The following HECTD2 variants were observed in gnomAD, a reference collection of about 807,000 sequenced individuals.
HECTD2 encodes the protein probable E3 ubiquitin-protein ligase HECTD2.
Under a neutral mutation model 103.2 loss-of-function variants are expected in HECTD2, and 35 were observed. The ratio of observed to expected loss-of-function variants is 0.34; its 90% CI spans 0.26 to 0.45. The LOEUF (loss-of-function observed/expected upper bound fraction) is 0.45, where lower values mean the gene tolerates loss of function less well. Among genes scored for constraint, HECTD2 ranks in the 20% least tolerant of loss-of-function variants. HECTD2 has a pLI of 1.00. For missense variants in HECTD2, 596 were observed against 937.4 expected, an observed-to-expected ratio of 0.64 and a Z score of 4.76; for synonymous variants, 281 against 329.9, an observed-to-expected ratio of 0.85 and a Z score of 1.61.
At chr10:91,443,698 A>T (rs991526485) in intron 2 of HECTD2, among the ~76,000 whole-genome samples, 7 of 152,078 alleles carry the variant, frequency 4.6e-5, no homozygotes, top group African/African-American at 1.7e-4. Context: ...CCCTTCCCCC[A>T]GGAAGAATTT....
intron 20 of HECTD2, among the ~76,000 whole-genome samples, chr10:91,506,832 T>G (rs1044369786): frequency 2.8e-3 from 417 of 151,298 alleles, no homozygotes; most frequent in African/African-American, 9.5e-3. Context: ...AAAAGAGAAT[T>G]TTAGACCAAT....
chr10:91,483,183 T>C, intron 8 of HECTD2, 107 bp downstream of exon 8: 3 of 474,988 alleles, frequency 6.3e-6, no homozygotes, highest in Non-Finnish European at 1.1e-5. Flanking sequence ...TCTTTAGAAA[T>C]GATGCTTATA....
At position 91,482,971 on chromosome 10, in the gene HECTD2, C is replaced by T; in HGVS notation, c.716C>T (p.Pro239Leu). Residue 239 changes from proline to leucine, a missense_variant, in exon 8 of 21, where the codon CCT (proline) becomes CTT (leucine). This residue lies in a region of HECTD2 where 303 missense variants were observed against 522.5 expected (regional missense o/e 0.58). Transcript: ENST00000298068. ...LRAYFILLQN[P>L]QFNNTSTYVI... Reference sequence around the variant, plus strand: ...TATCTTTAATATCTTTTTCAGAATCCTCAGTTTAATAACACATCTACGTAT... The same window carrying T: ...TATCTTTAATATCTTTTTCAGAATCTTCAGTTTAATAACACATCTACGTAT... 1.4e-6 allele frequency: 2 copies of T among 1,431,772 alleles called. No individual in the cohort carries two copies. The highest frequency in any genetic ancestry group is 1.2e-5 in the South Asian group (1 of 80,542). The allele number at this position is 1,431,772 out of a possible 1,614,324, so 88.7% of individuals were successfully genotyped here.
chr10:91,453,114 C>T (rs994260702), intron 2 of HECTD2, among the ~76,000 whole-genome samples: 2 of 152,076 alleles, frequency 1.3e-5, no homozygotes, highest in Admixed American at 1.3e-4. Context: ...CAGCGTGGTT[C>T]TAAATGTATG....
chr10:91,432,848 T>C (rs994481526), intron 2 of HECTD2, among the ~76,000 whole-genome samples: 1 of 151,962 alleles, frequency 6.6e-6, no homozygotes, highest in Non-Finnish European at 1.5e-5. Context: ...ACTGTGATCT[T>C]TGTCACCCTG....
chr10:91,478,233 A>T lies in HECTD2; in HGVS notation c.633A>T (p.Gly211=), dbSNP rs1845976907. The part of the protein sequence containing the change: ...PQDVQKTVLK[G]IINSLLREWK... The stretch of plus-strand genomic sequence containing the variant: ...ACGTTCAGAAGACAGTATTAAAGGG[A>T]ATCATTAACAGCCTGTTACGAGAAT... Residue 211 remains glycine (G), a synonymous_variant, in exon 6 of 21, where the codon GGA becomes GGT. Transcript: ENST00000298068. 6.2e-7 allele frequency: 1 copy of T among 1,610,300 alleles called. No homozygotes were observed. Among genetic ancestry groups the T allele is most frequent in the African/African-American group, 1.3e-5 (1 of 74,974 alleles).
At chr10:91,451,786 G>A (rs1844840662) in intron 2 of HECTD2, among the ~76,000 whole-genome samples, 2 of 152,138 alleles carry the variant, frequency 1.3e-5, no homozygotes, top group Admixed American at 6.6e-5. Flanking sequence ...TGAATAGGAG[G>A]GTAGGTAAAG....
intron 16 of HECTD2, among the ~76,000 whole-genome samples, chr10:91,498,539 T>G (rs996114979): frequency 3.3e-5 from 5 of 152,170 alleles, no homozygotes; most frequent in Non-Finnish European, 7.4e-5. Context: ...TGATTTCCAC[T>G]CCTTTTACAG....
At chr10:91,455,800 G>A (rs1175086312) in intron 2 of HECTD2, among the ~76,000 whole-genome samples, 2 of 152,122 alleles carry the variant, frequency 1.3e-5, no homozygotes, top group African/African-American at 4.8e-5. Flanking sequence ...TGGCTAGCCA[G>A]TTTTCCCAGC....
chr10:91,432,644 A>G (rs983292417), intron 2 of HECTD2, among the ~76,000 whole-genome samples: 1 of 149,192 alleles, frequency 6.7e-6, no homozygotes, highest in African/African-American at 2.6e-5. Flanking sequence ...TTTAAAAGAA[A>G]TGAAGCAATT....
intron 2 of HECTD2, among the ~76,000 whole-genome samples, chr10:91,427,624 T>C (rs1432722375): frequency 6.6e-6 from 1 of 152,186 alleles, no homozygotes; most frequent in African/African-American, 2.4e-5. Context: ...TTTCATGTGT[T>C]TTTTGGCAGC....
At chr10:91,427,800 C>T (rs938251374) in intron 2 of HECTD2, among the ~76,000 whole-genome samples, 4 of 151,816 alleles carry the variant, frequency 2.6e-5, no homozygotes, top group African/African-American at 4.8e-5. Flanking sequence ...TTGTAGGTTG[C>T]GAAAAATTTT....
rs1480472898 is a variant in HECTD2 at position 91,458,916 on chromosome 10, G to A, written c.269-1511G>A. The stretch of plus-strand genomic sequence containing the variant: ...AATTTAAAAGTTTTGCTCTGAGAAA[G>A]ACCCTGTGCAGAGGATGAAAAGACA... On this transcript the variant is annotated intron_variant, in intron 2 of 20. Coordinates refer to ENST00000298068, the MANE Select transcript of HECTD2 (RefSeq NM_182765.6). Among the ~76,000 whole-genome samples, 4 of 152,042 alleles carry A rather than the reference G, an allele frequency of 2.6e-5. No homozygotes were observed. The South Asian group carries it at 6.2e-4, about 24-fold the overall frequency.
At chr10:91,489,148 T>C (rs1447298592) in intron 11 of HECTD2, 1 of 152,164 alleles carries the variant, frequency 6.6e-6, no homozygotes, top group Non-Finnish European at 1.5e-5. Context: ...CAAATATCTT[T>C]TTGTGGAATT....
At chr10:91,434,480 T>A (rs1185306466) in intron 2 of HECTD2, among the ~76,000 whole-genome samples, 2 of 152,002 alleles carry the variant, frequency 1.3e-5, no homozygotes, top group Admixed American at 1.3e-4. Flanking sequence ...GCCCTCTTGT[T>A]TTTTATTTTG....
chr10:91,500,464 C>T lies in HECTD2; in HGVS notation c.1951-38C>T, dbSNP rs1242051035. On this transcript the variant is annotated intron_variant, in intron 18 of 20. Transcript: ENST00000298068. ...GTTCCAGTTTCACTTAAAACCATCA[C>T]TCTTTAATTATTGTTTTTGATAAAT... is the stretch of plus-strand genomic sequence containing the variant. 3 of 965,060 alleles carry T rather than the reference C, an allele frequency of 3.1e-6. No homozygotes were observed. The South Asian group carries it at 4.0e-5, about 13-fold the overall frequency. 59.8% of individuals were successfully genotyped at this position (965,060 alleles called of 1,614,324 possible).
At chr10:91,478,743 G>GT (rs1845992799) in intron 6 of HECTD2, among the ~76,000 whole-genome samples, 1 of 151,730 alleles carries the variant, frequency 6.6e-6, no homozygotes. Flanking sequence ...AATTGGTAAT[G>GT]TTTTGAACCA....
Position 91,492,400 on chromosome 10 carries a change from G to A in HECTD2, c.1348G>A (p.Val450Ile), listed in dbSNP as rs1283805785. 1 of 1,613,322 alleles carries A rather than the reference G, an allele frequency of 6.2e-7. No individual in the cohort carries two copies. Among genetic ancestry groups the A allele is most frequent in the Non-Finnish European group, 8.5e-7 (1 of 1,179,376 alleles). ...DLKKKLKVTF[V>I]GEAGLDMGGL... ...GAAAAAGAAGTTAAAAGTTACATTTGTAGGGGAAGCTGGTTTGGATATGGG... is the reference window on the plus strand; with the variant it reads ...GAAAAAGAAGTTAAAAGTTACATTTATAGGGGAAGCTGGTTTGGATATGGG... Residue 450 changes from valine to isoleucine, a missense_variant, in exon 13 of 21, where the codon GTA becomes ATA. Physicochemically the swap from Val to Ile is conservative, Grantham distance 29. Coordinates refer to ENST00000298068, the MANE Select transcript of HECTD2 (RefSeq NM_182765.6).
intron 1 of HECTD2, among the ~76,000 whole-genome samples, chr10:91,421,141 G>T (rs997084669): frequency 8.6e-5 from 13 of 151,294 alleles, no homozygotes; most frequent in Admixed American, 6.6e-5. Context: ...TGTATAGTCC[G>T]TGCCACCACC....
Sources: gnomAD v4.1 joint callset for allele counts (sites outside exome capture counted in the v4.1 genomes callset) on GRCh38, gnomAD v4.1.1 for gene constraint, gnomAD v4.1.1 regional missense constraint, MANE v1.5 for transcripts, NCBI Gene and HGNC (gene_info 2026-07-23, HGNC 2026-07-21) for gene names.